CCNY: variants seen among roughly 807,000 people sequenced by gnomAD.
CCNY encodes the protein cyclin Y.
A neutral mutation model predicts 42.8 loss-of-function variants in CCNY; 19 were observed. That is an observed-to-expected ratio of 0.44 (90% CI 0.31 to 0.65). The LOEUF (loss-of-function observed/expected upper bound fraction) is 0.65, where lower values mean the gene tolerates loss of function less well. Among genes scored for constraint, CCNY ranks in the 30% least tolerant of loss-of-function variants. CCNY has a pLI of 0.07. For missense variants in CCNY, 370 were observed against 437.3 expected, an observed-to-expected ratio of 0.85 and a Z score of 1.37; for synonymous variants, 165 against 162.7, an observed-to-expected ratio of 1.01 and a Z score of -0.11.
At chr10:35,324,342 CT>C (rs1289863771) in intron 3 of CCNY, among the ~76,000 whole-genome samples, 6 of 152,156 alleles carry the variant, frequency 3.9e-5, no homozygotes, top group African/African-American at 1.4e-4. Context: ...CAGCTGAGCT[CT>C]GTAAATTAAA....
chr10:35,505,274 T>TAA (rs35887849), intron 3 of CCNY, among the ~76,000 whole-genome samples: 3 of 140,144 alleles, frequency 2.1e-5, no homozygotes, highest in South Asian at 2.3e-4. Flanking sequence ...TCTAAGAAGT[T>TAA]AAAAAAAAAA....
Position 35,336,920 on chromosome 10 carries a change from T to G in CCNY, c.-134T>G. On this transcript the variant is annotated 5_prime_UTR_variant, in exon 1 of 10. Coordinates refer to ENST00000374704, the MANE Select transcript of CCNY (RefSeq NM_145012.6). The stretch of plus-strand genomic sequence containing the variant: ...TGCTGACCCGGCGGCCGGCCGCCGT[T>G]CCGCCCCCTCCCGTGGCGGCGAGCG... The G allele has an allele frequency of 1.9e-6, 1 of 513,978 alleles. No individual in the cohort carries two copies. Among genetic ancestry groups the G allele is most frequent in the Non-Finnish European group, 2.5e-6 (1 of 394,518 alleles). 31.8% of individuals were successfully genotyped at this position (513,978 alleles called of 1,614,324 possible).
At chr10:35,441,615 G>T (rs935227082) in intron 1 of CCNY, among the ~76,000 whole-genome samples, 3 of 152,184 alleles carry the variant, frequency 2.0e-5, no homozygotes, top group Admixed American at 2.0e-4. Flanking sequence ...AGGGATGGTG[G>T]TGTGTGCCTG....
intron 3 of CCNY, among the ~76,000 whole-genome samples, chr10:35,323,796 A>G (rs556339519): frequency 6.6e-6 from 1 of 152,276 alleles, no homozygotes; most frequent in East Asian, 1.9e-4. Context: ...GGGAAGGCAG[A>G]TCACCTGAGG....
At chr10:35,541,497 A>T (rs907655257) in intron 7 of CCNY, among the ~76,000 whole-genome samples, 1 of 152,194 alleles carries the variant, frequency 6.6e-6, no homozygotes, top group African/African-American at 2.4e-5. Flanking sequence ...TCCTGTGCTC[A>T]AGTGATCCTG....
intron 1 of CCNY, among the ~76,000 whole-genome samples, chr10:35,347,043 C>T (rs1455371956): frequency 6.6e-6 from 1 of 152,174 alleles, no homozygotes; most frequent in African/African-American, 2.4e-5. Flanking sequence ...ATGTTTTGGG[C>T]CATGGTAACA....
At chr10:35,327,108 C>CT (rs1054219632) in intron 3 of CCNY, among the ~76,000 whole-genome samples, 27 of 151,886 alleles carry the variant, frequency 1.8e-4, no homozygotes, top group Non-Finnish European at 3.5e-4. Flanking sequence ...CTAGGCTATT[C>CT]TTTTTTGGAG....
At chr10:35,368,860 G>A (rs1380422573) in intron 1 of CCNY, among the ~76,000 whole-genome samples, 1 of 152,192 alleles carries the variant, frequency 6.6e-6, no homozygotes, top group East Asian at 1.9e-4. Context: ...GGTGCTCGGA[G>A]GTACCAGAGG....
chr10:35,406,334 G>A (rs1436498312), intron 1 of CCNY, among the ~76,000 whole-genome samples: 2 of 151,776 alleles, frequency 1.3e-5, no homozygotes, highest in African/African-American at 4.8e-5. Context: ...AGACAAACAA[G>A]TGAACAAAGG....
At chr10:35,536,084 T>C (rs905514837) in intron 7 of CCNY, among the ~76,000 whole-genome samples, 7 of 152,216 alleles carry the variant, frequency 4.6e-5, no homozygotes, top group African/African-American at 1.7e-4. Flanking sequence ...ATTGTATGTC[T>C]CATAACTCCC....
intron 1 of CCNY, among the ~76,000 whole-genome samples, chr10:35,479,910 G>T (rs1839627111): frequency 6.6e-6 from 1 of 151,982 alleles, no homozygotes; most frequent in African/African-American, 2.4e-5. Flanking sequence ...AAATTGCAGT[G>T]TTTGTCATGC....
intron 1 of CCNY, among the ~76,000 whole-genome samples, chr10:35,394,263 T>G (rs1837476237): frequency 6.6e-6 from 1 of 152,254 alleles, no homozygotes; most frequent in African/African-American, 2.4e-5. Context: ...GTTAATTGCC[T>G]GCACTTTGAG....
At chr10:35,350,583 C>T (rs753514963) in intron 1 of CCNY, among the ~76,000 whole-genome samples, 1 of 152,112 alleles carries the variant, frequency 6.6e-6, no homozygotes, top group Non-Finnish European at 1.5e-5. Context: ...TGACCTGGCC[C>T]CCCGAGGCAG....
intron 1 of CCNY, among the ~76,000 whole-genome samples, chr10:35,376,079 C>T (rs1837045369): frequency 1.3e-5 from 2 of 152,140 alleles, no homozygotes; most frequent in Admixed American, 6.6e-5. Flanking sequence ...GCCTGAGCTC[C>T]TGTAGCACAT....
chr10:35,365,815 C>T (rs1836796162), intron 1 of CCNY, among the ~76,000 whole-genome samples: 2 of 152,208 alleles, frequency 1.3e-5, no homozygotes, highest in South Asian at 4.1e-4. Context: ...ACTATTTTCA[C>T]AGTTCTTCTG....
intron 3 of CCNY, among the ~76,000 whole-genome samples, chr10:35,302,123 T>C (rs1347894575): frequency 6.6e-6 from 1 of 150,780 alleles, no homozygotes; most frequent in African/African-American, 2.4e-5. Context: ...CCACCACGCC[T>C]GGCTAATTTT....
intron 3 of CCNY, among the ~76,000 whole-genome samples, chr10:35,294,200 T>A (rs1835446233): frequency 6.6e-6 from 1 of 152,254 alleles, no homozygotes; most frequent in African/African-American, 2.4e-5. Flanking sequence ...ACAAGATCAT[T>A]GCATTTGCTA....
intron 3 of CCNY, chr10:35,327,667 T>C: frequency 6.6e-6 from 1 of 152,214 alleles, no homozygotes; most frequent in South Asian, 2.1e-4. Context: ...CCTGTTCCTC[T>C]CTTCTGTTGA....
At chr10:35,326,716 T>C (rs1354813285) in intron 3 of CCNY, among the ~76,000 whole-genome samples, 1 of 151,990 alleles carries the variant, frequency 6.6e-6, no homozygotes, top group Non-Finnish European at 1.5e-5. Flanking sequence ...CAAGACCCTG[T>C]CTCAAAAAAA....
Sources: gnomAD v4.1 joint callset for allele counts (sites outside exome capture counted in the v4.1 genomes callset) on GRCh38, gnomAD v4.1.1 for gene constraint, MANE v1.5 for transcripts, NCBI Gene and HGNC (gene_info 2026-07-23, HGNC 2026-07-21) for gene names.